CNTNAP5: variants seen among roughly 807,000 people sequenced by gnomAD.
CNTNAP5 encodes the protein contactin-associated protein-like 5.
CNTNAP5 carries 72 observed loss-of-function variants against 150.2 expected under a neutral mutation model. That is an observed-to-expected ratio of 0.48 (90% CI 0.40 to 0.58). The LOEUF is 0.58. CNTNAP5 is among the 20% of genes least tolerant of loss of function. The pLI is 0.00. For missense variants in CNTNAP5, 1,636 were observed against 1,626.2 expected, an observed-to-expected ratio of 1.01 and a Z score of -0.10; for synonymous variants, 672 against 619.8, an observed-to-expected ratio of 1.08 and a Z score of -1.25.
intron 10 of CNTNAP5, among the ~76,000 whole-genome samples, chr2:124,528,305 C>A (rs1303900013): frequency 6.6e-6 from 1 of 151,980 alleles, no homozygotes; most frequent in Non-Finnish European, 1.5e-5. Context: ...AGAAATGCAC[C>A]CTTATTTGTC....
chr2:124,336,448 T>C (rs564734615), intron 3 of CNTNAP5, among the ~76,000 whole-genome samples: 37 of 152,076 alleles, frequency 2.4e-4, no homozygotes, highest in Non-Finnish European at 4.0e-4. Context: ...TATATATACA[T>C]GTGCCATGTT....
chr2:124,220,575 A>G (rs1039727704), intron 1 of CNTNAP5, among the ~76,000 whole-genome samples: 1 of 152,174 alleles, frequency 6.6e-6, no homozygotes, highest in South Asian at 2.1e-4. Flanking sequence ...TTGTATTGCT[A>G]TAACAGAATG....
chr2:124,860,452 T>C (rs181709847), intron 19 of CNTNAP5, among the ~76,000 whole-genome samples: 1,181 of 47,916 alleles, frequency 0.025, 20 homozygotes, highest in African/African-American at 0.071. Flanking sequence ...TCCTTCCTTC[T>C]TTCCTTCCTT....
chr2:124,672,571 A>C (rs1678847116), intron 13 of CNTNAP5, among the ~76,000 whole-genome samples: 1 of 152,330 alleles, frequency 6.6e-6, no homozygotes, highest in East Asian at 1.9e-4. Context: ...TTAGGGCCCC[A>C]AAAGAAGAGG....
At chr2:124,650,671 G>C (rs1678302308) in intron 13 of CNTNAP5, among the ~76,000 whole-genome samples, 1 of 152,140 alleles carries the variant, frequency 6.6e-6, no homozygotes, top group South Asian at 2.1e-4. Flanking sequence ...ATGCTGGGAA[G>C]AGATTCCCGA....
intron 8 of CNTNAP5, among the ~76,000 whole-genome samples, chr2:124,510,595 T>C (rs2104871513): frequency 6.6e-6 from 1 of 150,544 alleles, no homozygotes; most frequent in Middle Eastern, 3.4e-3. Context: ...CAGACTCTTT[T>C]TTTGGTGCTC....
chr2:124,860,810 A>G (rs937816126), intron 19 of CNTNAP5, among the ~76,000 whole-genome samples: 7 of 152,002 alleles, frequency 4.6e-5, no homozygotes, highest in African/African-American at 1.7e-4. Context: ...GCTTCTTATG[A>G]GAGGGAAACT....
chr2:124,708,980 A>G (rs1394578850), intron 13 of CNTNAP5, among the ~76,000 whole-genome samples: 1 of 152,162 alleles, frequency 6.6e-6, no homozygotes, highest in Non-Finnish European at 1.5e-5. Flanking sequence ...ATCACAGTGC[A>G]AACTCACTCA....
intron 1 of CNTNAP5, among the ~76,000 whole-genome samples, chr2:124,064,753 T>G (rs1466884488): frequency 6.6e-6 from 1 of 152,206 alleles, no homozygotes; most frequent in Non-Finnish European, 1.5e-5. Context: ...CTTCAGCTAT[T>G]CTGAATCTCC....
At chr2:124,838,720 G>A (rs1682881553) in intron 19 of CNTNAP5, among the ~76,000 whole-genome samples, 1 of 152,006 alleles carries the variant, frequency 6.6e-6, no homozygotes, top group Admixed American at 6.6e-5. Context: ...TGCTGCTGTT[G>A]GTTTGCCAAC....
intron 1 of CNTNAP5, among the ~76,000 whole-genome samples, chr2:124,071,124 T>C (rs184699721): frequency 6.6e-6 from 1 of 151,986 alleles, no homozygotes; most frequent in Admixed American, 6.6e-5. Flanking sequence ...AGAAGGCAAT[T>C]GAAAATTTTT....
chr2:124,410,642 C>A (rs1002656963), intron 3 of CNTNAP5, among the ~76,000 whole-genome samples: 3 of 149,770 alleles, frequency 2.0e-5, no homozygotes, highest in Non-Finnish European at 3.0e-5. Context: ...GGATACATAA[C>A]GAAATGAAGG....
chr2:124,648,027 G>A (rs1423836880), intron 13 of CNTNAP5, 69 bp downstream of exon 13: 3 of 1,441,132 alleles, frequency 2.1e-6, no homozygotes, highest in African/African-American at 2.8e-5. Flanking sequence ...TTAGGCAAAG[G>A]AAAATTTGCC....
At chr2:124,720,493 A>G (rs1196438680) in intron 13 of CNTNAP5, among the ~76,000 whole-genome samples, 1 of 152,206 alleles carries the variant, frequency 6.6e-6, no homozygotes, top group Non-Finnish European at 1.5e-5. Context: ...GCAGCTGATC[A>G]TATTTCCAAA....
chr2:124,219,580 T>G (rs1341498312), intron 1 of CNTNAP5, among the ~76,000 whole-genome samples: 1 of 152,046 alleles, frequency 6.6e-6, no homozygotes, highest in African/African-American at 2.4e-5. Context: ...TATTGATGCT[T>G]AAGACCTATA....
intron 1 of CNTNAP5, among the ~76,000 whole-genome samples, chr2:124,063,236 A>C (rs915418115): frequency 1.3e-5 from 2 of 152,134 alleles, no homozygotes; most frequent in African/African-American, 4.8e-5. Context: ...CCTAACAAAA[A>C]GTCATTCAAC....
chr2:124,214,773 G>T (rs565825614), intron 1 of CNTNAP5, among the ~76,000 whole-genome samples: 1 of 152,252 alleles, frequency 6.6e-6, no homozygotes, highest in South Asian at 2.1e-4. Flanking sequence ...TGAGCTCAGG[G>T]TCTATGTATT....
intron 1 of CNTNAP5, among the ~76,000 whole-genome samples, chr2:124,026,183 G>T (rs143984667): frequency 7.9e-4 from 120 of 152,258 alleles, no homozygotes; most frequent in African/African-American, 2.5e-3. Context: ...AGCACCCCAC[G>T]ATACGTGGCT....
chr2:124,681,301 CAAA>C (rs70996097), intron 13 of CNTNAP5, among the ~76,000 whole-genome samples: 4 of 72,366 alleles, frequency 5.5e-5, no homozygotes, highest in Admixed American at 3.4e-4. Flanking sequence ...GACTCCATCT[CAAA>C]AAAAAAAAAA....
Sources: allele counts gnomAD v4.1 joint callset (sites outside exome capture counted in the v4.1 genomes callset), GRCh38; gene constraint gnomAD v4.1.1; transcripts MANE v1.5; gene names NCBI Gene and HGNC (gene_info 2026-07-23, HGNC 2026-07-21).